Variants in RERE observed in about 807,000 individuals in gnomAD.
RERE encodes the protein arginine-glutamic acid dipeptide repeats, also known as arginine-glutamic acid dipeptide repeats protein.
A neutral mutation model predicts 146.1 loss-of-function variants in RERE; 40 were observed. The ratio of observed to expected loss-of-function variants is 0.27; its 90% confidence interval spans 0.21 to 0.36. RERE has a LOEUF of 0.36. RERE is among the 10% of genes least tolerant of loss of function. The pLI, the probability that RERE is intolerant of heterozygous loss-of-function variation, is 1.00. For synonymous variants in RERE, 1,003 were observed against 866.0 expected (o/e 1.16, Z -2.78); for missense variants, 1,933 against 2,138.7 (o/e 0.90, Z 1.90).
At chr1:8,746,159 T>A (rs1640416274) in intron 1 of RERE, among the ~76,000 whole-genome samples, 1 of 152,266 alleles carries the variant, frequency 6.6e-6, no homozygotes, top group African/African-American at 2.4e-5. Context: ...ATCAGAATTA[T>A]TTGTTGCCTT....
intron 12 of RERE, among the ~76,000 whole-genome samples, chr1:8,385,261 A>G (rs1185230655): frequency 6.6e-6 from 1 of 152,234 alleles, no homozygotes; most frequent in African/African-American, 2.4e-5. Context: ...CACCCATCAC[A>G]GTGTAACAAA....
At chr1:8,574,286 T>C (rs1194016995) in intron 4 of RERE, among the ~76,000 whole-genome samples, 1 of 151,986 alleles carries the variant, frequency 6.6e-6, no homozygotes, top group Non-Finnish European at 1.5e-5. Context: ...ACAGAACATG[T>C]TCTGTATGAT....
At chr1:8,673,751 A>T (rs1289701785) in intron 1 of RERE, among the ~76,000 whole-genome samples, 1 of 152,240 alleles carries the variant, frequency 6.6e-6, no homozygotes, top group South Asian at 2.1e-4. Context: ...GCTTAAGGCT[A>T]TAATATTTTT....
intron 2 of RERE, among the ~76,000 whole-genome samples, chr1:8,646,023 A>AGACAT (rs2124301334): frequency 6.6e-6 from 1 of 152,236 alleles, no homozygotes; most frequent in East Asian, 1.9e-4. Context: ...ACTGTTCCAA[A>AGACAT]GACATACAAC....
chr1:8,419,057 C>A (rs1009122131), intron 12 of RERE, among the ~76,000 whole-genome samples: 1 of 152,280 alleles, frequency 6.6e-6, no homozygotes, highest in East Asian at 1.9e-4. Context: ...ATGCTCCACC[C>A]GTATTCCTGA....
At chr1:8,634,576 A>G (rs866704183) in intron 2 of RERE, among the ~76,000 whole-genome samples, 1 of 152,180 alleles carries the variant, frequency 6.6e-6, no homozygotes, top group African/African-American at 2.4e-5. Flanking sequence ...TAGTTTATAT[A>G]AACTTGAAAG....
At chr1:8,611,412 G>A (rs1557434054) in intron 4 of RERE, among the ~76,000 whole-genome samples, 1 of 151,406 alleles carries the variant, frequency 6.6e-6, no homozygotes, top group East Asian at 1.9e-4. Flanking sequence ...GCTGAGGCAG[G>A]AGAATCGCTT....
chr1:8,702,631 T>G (rs1187101173), intron 1 of RERE, among the ~76,000 whole-genome samples: 2 of 152,230 alleles, frequency 1.3e-5, no homozygotes, highest in African/African-American at 4.8e-5. Context: ...TTTAAACTTG[T>G]TTATTCCACA....
At chr1:8,627,256 T>G (rs867921093) in intron 2 of RERE, among the ~76,000 whole-genome samples, 11 of 152,092 alleles carry the variant, frequency 7.2e-5, no homozygotes, top group African/African-American at 2.7e-4. Flanking sequence ...ACAATTACTA[T>G]CAATCTTGTA....
intron 1 of RERE, among the ~76,000 whole-genome samples, chr1:8,716,461 C>T (rs1639767040): frequency 6.6e-6 from 1 of 152,086 alleles, no homozygotes; most frequent in African/African-American, 2.4e-5. Flanking sequence ...CAGAGCAAGA[C>T]TCTGTCTCAA....
Position 8,709,591 on chromosome 1 carries a change from C to T in RERE, c.-144-53150G>A, listed in dbSNP as rs1464576188. 2.0e-5 allele frequency among the ~76,000 whole-genome samples: 3 copies of T among 152,246 alleles called. No individual in the cohort carries two copies. The East Asian group carries it at 5.8e-4, about 29-fold the overall frequency. Reference sequence around the variant, plus strand: ...GGGTTCACTTGTTGATTTTTTGTCACAAAGATGAAATCCCACTATTTATGT... The same window carrying T: ...GGGTTCACTTGTTGATTTTTTGTCATAAAGATGAAATCCCACTATTTATGT... On this transcript the variant is annotated intron_variant, in intron 1 of 22. Coordinates refer to ENST00000400908, the MANE Select transcript of RERE (RefSeq NM_001042681.2).
intron 9 of RERE, among the ~76,000 whole-genome samples, chr1:8,496,093 G>A (rs577867870): frequency 4.0e-5 from 6 of 150,230 alleles, no homozygotes; most frequent in Non-Finnish European, 7.4e-5. Context: ...AGCCCAGGAG[G>A]TTAAGGCTGT....
chr1:8,519,143 G>A (rs1383847435), intron 7 of RERE, among the ~76,000 whole-genome samples: 4 of 152,148 alleles, frequency 2.6e-5, no homozygotes, highest in African/African-American at 9.7e-5. Context: ...CACTTTGGGT[G>A]GCCAAGGTGG....
At chr1:8,550,234 G>A (rs1387922212) in intron 6 of RERE, among the ~76,000 whole-genome samples, 6 of 152,136 alleles carry the variant, frequency 3.9e-5, no homozygotes, top group Admixed American at 6.5e-5. Flanking sequence ...AAGGGCAGAC[G>A]GAATATCTTA....
chr1:8,577,188 A>G (rs891828380), intron 4 of RERE, among the ~76,000 whole-genome samples: 2 of 151,848 alleles, frequency 1.3e-5, no homozygotes, highest in African/African-American at 4.8e-5. Flanking sequence ...TGAAAGAAAG[A>G]AATTTCATAT....
intron 2 of RERE, among the ~76,000 whole-genome samples, chr1:8,649,084 T>G (rs1401129052): frequency 6.6e-6 from 1 of 152,018 alleles, no homozygotes; most frequent in Non-Finnish European, 1.5e-5. Context: ...AGAAAGAAAT[T>G]AATATGCCAC....
intron 1 of RERE, among the ~76,000 whole-genome samples, chr1:8,745,591 C>T (rs750663462): frequency 2.2e-4 from 33 of 152,138 alleles, no homozygotes; most frequent in Admixed American, 5.9e-4. Context: ...TGACATTATA[C>T]TCCTGCTTAA....
intron 4 of RERE, among the ~76,000 whole-genome samples, chr1:8,608,828 G>A (rs962807549): frequency 2.0e-5 from 3 of 152,224 alleles, no homozygotes; most frequent in Non-Finnish European, 2.9e-5. Context: ...GCTCACGCCT[G>A]TAATCCCAAC....
At chr1:8,553,062 T>G (rs1349992462) in intron 6 of RERE, among the ~76,000 whole-genome samples, 2 of 143,510 alleles carry the variant, frequency 1.4e-5, no homozygotes, top group African/African-American at 2.6e-5. Context: ...GACACACCAG[T>G]AGGCCAGTGT....
Sources: gnomAD v4.1 joint callset for allele counts (sites outside exome capture counted in the v4.1 genomes callset) on GRCh38, gnomAD v4.1.1 for gene constraint, MANE v1.5 for transcripts, NCBI Gene and HGNC (gene_info 2026-07-23, HGNC 2026-07-21) for gene names.